Variants in CALN1 observed in about 807,000 individuals in gnomAD.
The protein encoded by CALN1 is calneuron 1, also known as calcium-binding protein 8.
In CALN1, 17 loss-of-function variants were observed where a neutral mutation model predicts 30.6. The observed-to-expected ratio is 0.56, with a 90% confidence interval of 0.38 to 0.83. The LOEUF (loss-of-function observed/expected upper bound fraction) is 0.83. Ranked by LOEUF, CALN1 falls within the 40% of genes least tolerant of loss-of-function variation. CALN1 has a pLI of 0.00. For synonymous variants in CALN1, 156 were observed against 131.4 expected (o/e 1.19, Z -1.28); for missense variants, 291 against 354.9 (o/e 0.82, Z 1.45).
At chr7:71,844,910 G>A (rs1790140758) in intron 5 of CALN1, among the ~76,000 whole-genome samples, 1 of 151,894 alleles carries the variant, frequency 6.6e-6, no homozygotes, top group African/African-American at 2.4e-5. Flanking sequence ...CATTTTTTGA[G>A]ACAGAATCTT....
Position 72,271,574 on chromosome 7 carries a change from A to AT in CALN1, c.244+7111_244+7112insA, listed in dbSNP as rs1168081510. 3.8e-3 allele frequency among the ~76,000 whole-genome samples: 422 copies of AT among 110,466 alleles called. 12 individuals carry two copies. The highest frequency in any genetic ancestry group is 0.013 in the African/African-American group (345 of 27,398). 72.5% of individuals were successfully genotyped at this position (110,466 alleles called of 152,430 possible). On this transcript the variant is annotated intron_variant, in intron 3 of 6. Transcript: ENST00000395275. ...ACTGTGCCTGCCTTTTAAAAAAAAA[A>AT]AATATATATATATATATATAGTTTT...
chr7:72,409,568 A>C (rs376975912), intron 1 of CALN1, among the ~76,000 whole-genome samples: 7 of 151,994 alleles, frequency 4.6e-5, no homozygotes, highest in African/African-American at 1.7e-4. Flanking sequence ...GGTTACAAGC[A>C]GACTCAGCAC....
intron 5 of CALN1, among the ~76,000 whole-genome samples, chr7:71,954,947 G>A (rs1257744045): frequency 6.6e-6 from 1 of 152,162 alleles, no homozygotes; most frequent in Non-Finnish European, 1.5e-5. Context: ...CATCTTACAA[G>A]GCGTGGAATG....
At chr7:71,888,614 A>G (rs1269437927) in intron 5 of CALN1, among the ~76,000 whole-genome samples, 1 of 152,166 alleles carries the variant, frequency 6.6e-6, no homozygotes, top group Admixed American at 6.5e-5. Context: ...ATCTCAGGGA[A>G]GGAGGCATCA....
intron 2 of CALN1, among the ~76,000 whole-genome samples, chr7:72,338,308 C>T (rs1262244787): frequency 6.6e-6 from 1 of 152,142 alleles, no homozygotes; most frequent in African/African-American, 2.4e-5. Context: ...GTCTTCAATT[C>T]CCAGAACCAG....
chr7:71,991,200 T>C (rs1043543462), intron 5 of CALN1, among the ~76,000 whole-genome samples: 33 of 152,166 alleles, frequency 2.2e-4, no homozygotes, highest in African/African-American at 7.7e-4. Context: ...GGCTCACACC[T>C]GTAATCCCAG....
chr7:71,783,582 G>C lies in CALN1; in HGVS notation c.*4193C>G, dbSNP rs760009438. On this transcript the variant is annotated 3_prime_UTR_variant, in exon 7 of 7. Transcript: ENST00000395275. Reference sequence around the variant, plus strand: ...CCAGGCCAGCCCAAACCAGGGAGCTGTCCTGGGTGGTTGCATCCTTCATTT... The same window carrying C: ...CCAGGCCAGCCCAAACCAGGGAGCTCTCCTGGGTGGTTGCATCCTTCATTT... 2.6e-5 allele frequency: 4 copies of C among 152,606 alleles called. No homozygotes were observed. Among genetic ancestry groups the C allele is most frequent in the Non-Finnish European group, 5.9e-5 (4 of 68,076 alleles). 9.5% of individuals were successfully genotyped at this position (152,606 alleles called of 1,614,324 possible). A position where few individuals can be genotyped will look rare whatever the true frequency, so the allele number is the denominator to read the frequency against.
At chr7:72,085,696 G>C (rs1480737187) in intron 4 of CALN1, among the ~76,000 whole-genome samples, 1 of 152,164 alleles carries the variant, frequency 6.6e-6, no homozygotes, top group Non-Finnish European at 1.5e-5. Flanking sequence ...ATTGGAATAA[G>C]TGTTTTACTG....
chr7:71,859,285 A>G (rs1791134340), intron 5 of CALN1, among the ~76,000 whole-genome samples: 1 of 150,558 alleles, frequency 6.6e-6, no homozygotes, highest in South Asian at 2.1e-4. Context: ...CTGGACTCCA[A>G]CTCCTGACCT....
chr7:71,996,087 A>C (rs1799239137), intron 5 of CALN1, among the ~76,000 whole-genome samples: 1 of 152,156 alleles, frequency 6.6e-6, no homozygotes, highest in Admixed American at 6.5e-5. Flanking sequence ...AGCACCATAA[A>C]GGCACTGCAA....
At chr7:71,794,032 T>C (rs910215664) in intron 6 of CALN1, among the ~76,000 whole-genome samples, 41 of 152,112 alleles carry the variant, frequency 2.7e-4, no homozygotes, top group Non-Finnish European at 6.0e-4. Flanking sequence ...CCTCAGCGGG[T>C]TGGGTACTGC....
intron 4 of CALN1, among the ~76,000 whole-genome samples, chr7:72,066,459 CTCTG>C (rs533981236): frequency 1.6e-4 from 24 of 152,246 alleles, no homozygotes; most frequent in African/African-American, 4.6e-4. Context: ...TCCAGATTCA[CTCTG>C]TCTAAGGCAC....
the CALN1 span, among the ~76,000 whole-genome samples, chr7:72,462,235 G>C: frequency 6.6e-6 from 1 of 152,050 alleles, no homozygotes; most frequent in Non-Finnish European, 1.5e-5. Flanking sequence ...AGGCTGGAGT[G>C]CAATAATGCA....
chr7:71,914,273 TA>T (rs1433290355), intron 5 of CALN1, among the ~76,000 whole-genome samples: 2 of 152,192 alleles, frequency 1.3e-5, no homozygotes, highest in Non-Finnish European at 2.9e-5. Context: ...TCTCATCATT[TA>T]CCTCCCACTT....
At chr7:72,501,948 T>TATACACAC in the CALN1 span, among the ~76,000 whole-genome samples, 7 of 72,352 alleles carry the variant, frequency 9.7e-5, no homozygotes, top group Middle Eastern at 7.0e-3. Context: ...TATATATATA[T>TATACACAC]ACACACATAT....
intron 4 of CALN1, among the ~76,000 whole-genome samples, chr7:72,033,053 A>C (rs1214953464): frequency 1.3e-5 from 2 of 152,230 alleles, no homozygotes; most frequent in Non-Finnish European, 2.9e-5. Context: ...AATGTAATTC[A>C]CTCAGACCAG....
At chr7:72,028,016 G>A (rs1202229765) in intron 4 of CALN1, among the ~76,000 whole-genome samples, 4 of 130,720 alleles carry the variant, frequency 3.1e-5, no homozygotes, top group Non-Finnish European at 4.7e-5. Context: ...CCGAGATCGC[G>A]CCACTGCACT....
chr7:72,243,338 C>G (rs1202136652), intron 3 of CALN1, among the ~76,000 whole-genome samples: 1 of 152,188 alleles, frequency 6.6e-6, no homozygotes, highest in African/African-American at 2.4e-5. Flanking sequence ...CTATGAGAAA[C>G]AAACTTTTGT....
At chr7:72,338,188 A>T (rs1418214186) in intron 2 of CALN1, among the ~76,000 whole-genome samples, 2 of 152,120 alleles carry the variant, frequency 1.3e-5, no homozygotes, top group African/African-American at 4.8e-5. Context: ...ATAAAGAAAG[A>T]GCAACAAACC....
Sources: gnomAD v4.1 joint callset for allele counts (sites outside exome capture counted in the v4.1 genomes callset) on GRCh38, gnomAD v4.1.1 for gene constraint, MANE v1.5 for transcripts, NCBI Gene and HGNC (gene_info 2026-07-23, HGNC 2026-07-21) for gene names.